Variants in SHISA9 observed in about 807,000 individuals in gnomAD.
SHISA9 encodes shisa family member 9, also known as protein shisa-9.
In SHISA9, 13 loss-of-function variants were observed where a neutral mutation model predicts 38.0. The observed-to-expected ratio is 0.34, with a 90% CI of 0.22 to 0.54. The LOEUF (loss-of-function observed/expected upper bound fraction) is 0.54. Ranked by LOEUF, SHISA9 falls within the 20% of genes least tolerant of loss-of-function variation. SHISA9 has a pLI of 0.91. For synonymous variants in SHISA9, 275 were observed against 242.0 expected (o/e 1.14, Z -1.27); for missense variants, 538 against 575.8 (o/e 0.93, Z 0.67).
intron 2 of SHISA9, among the ~76,000 whole-genome samples, chr16:13,170,719 C>G (rs1055171291): frequency 6.6e-6 from 1 of 152,158 alleles, no homozygotes; most frequent in Non-Finnish European, 1.5e-5. Context: ...TGCAATGGTG[C>G]CATCTCGGCT....
At chr16:13,128,225 A>G (rs920929080) in intron 2 of SHISA9, among the ~76,000 whole-genome samples, 1 of 152,182 alleles carries the variant, frequency 6.6e-6, no homozygotes, top group African/African-American at 2.4e-5. Flanking sequence ...GGTGAAGGAA[A>G]GGAAGGGAAG....
intron 2 of SHISA9, among the ~76,000 whole-genome samples, chr16:13,034,118 C>A (rs146779859): frequency 2.6e-3 from 394 of 149,472 alleles, no homozygotes; most frequent in Middle Eastern, 0.017. Context: ...GCACTCCAGC[C>A]TGGGTGACAA....
chr16:12,990,670 G>T (rs1470034790), intron 2 of SHISA9, among the ~76,000 whole-genome samples: 2 of 152,166 alleles, frequency 1.3e-5, no homozygotes, highest in Non-Finnish European at 2.9e-5. Flanking sequence ...GGTGGATGGG[G>T]GGTGGTGCTA....
At chr16:13,387,042 TC>T in the SHISA9 span, among the ~76,000 whole-genome samples, 1 of 152,214 alleles carries the variant, frequency 6.6e-6, no homozygotes. Flanking sequence ...TGCCTTCCCC[TC>T]CAGCAATAAT....
At chr16:12,904,699 C>T (rs1359328167) in intron 1 of SHISA9, among the ~76,000 whole-genome samples, 1 of 152,134 alleles carries the variant, frequency 6.6e-6, no homozygotes, top group Non-Finnish European at 1.5e-5. Flanking sequence ...GAAGTGCATA[C>T]TCCCGAAAAG....
At chr16:12,926,282 T>G (rs2071392654) in intron 2 of SHISA9, among the ~76,000 whole-genome samples, 1 of 152,218 alleles carries the variant, frequency 6.6e-6, no homozygotes, top group Non-Finnish European at 1.5e-5. Context: ...TCTTTTTCTA[T>G]TTGTTTTCCT....
At chr16:13,185,920 T>C (rs1305366795) in intron 2 of SHISA9, among the ~76,000 whole-genome samples, 1 of 152,182 alleles carries the variant, frequency 6.6e-6, no homozygotes, top group East Asian at 1.9e-4. Flanking sequence ...CTGGAAATGT[T>C]ATAGGGAAAC....
the SHISA9 span, among the ~76,000 whole-genome samples, chr16:13,421,542 T>C: frequency 0.74 from 111,762 of 152,054 alleles, 41,303 homozygotes; most frequent in Admixed American, 0.82. Context: ...CACTGGATCC[T>C]TCCCACAACA....
intron 2 of SHISA9, among the ~76,000 whole-genome samples, chr16:13,098,259 G>T (rs1188895666): frequency 2.6e-5 from 4 of 152,216 alleles, no homozygotes; most frequent in Non-Finnish European, 4.4e-5. Flanking sequence ...CTCATCCATA[G>T]AAATGGAGCA....
chr16:12,975,140 G>A (rs934512432), intron 2 of SHISA9, among the ~76,000 whole-genome samples: 1 of 152,146 alleles, frequency 6.6e-6, no homozygotes, highest in Non-Finnish European at 1.5e-5. Context: ...AGTGTGTGTT[G>A]TTATCTTTGC....
chr16:13,255,615 C>T, the SHISA9 span, among the ~76,000 whole-genome samples: 1 of 152,068 alleles, frequency 6.6e-6, no homozygotes, highest in East Asian at 1.9e-4. Context: ...CAATTTCCTT[C>T]TTCCTTACCT....
the SHISA9 span, among the ~76,000 whole-genome samples, chr16:13,469,399 A>G: frequency 1.5e-5 from 2 of 130,004 alleles, no homozygotes; most frequent in African/African-American, 6.4e-5. Context: ...GAAAGAAAGA[A>G]AGAAAGAAAG....
At chr16:13,386,800 G>C in the SHISA9 span, among the ~76,000 whole-genome samples, 1 of 152,026 alleles carries the variant, frequency 6.6e-6, no homozygotes, top group South Asian at 2.1e-4. Context: ...TTATTGTAAT[G>C]TTTAATTACT....
the SHISA9 span, chr16:13,350,256 A>G: frequency 6.6e-6 from 1 of 152,264 alleles, no homozygotes; most frequent in Admixed American, 6.5e-5. Context: ...CAAGACTTGC[A>G]CTAGTGGCCC....
chr16:13,093,675 C>T (rs1033735851), intron 2 of SHISA9, among the ~76,000 whole-genome samples: 3 of 152,222 alleles, frequency 2.0e-5, no homozygotes, highest in South Asian at 4.2e-4. Flanking sequence ...TTTGTCCAGG[C>T]GCCCACATGT....
rs531243676 is a variant in SHISA9, at chr16:13,116,714, C to T, written c.692-86680C>T. On this transcript the variant is annotated intron_variant, in intron 2 of 4. Transcript: ENST00000558583. ...CCAATTGCTAATCTAGACTGAGTGT[C>T]AGTTTCTCTCTCTGAAAAATGGTGA... Among the ~76,000 whole-genome samples, 5 of 152,290 alleles carry T rather than the reference C, an allele frequency of 3.3e-5. No individual in the cohort carries two copies. In the East Asian group the frequency reaches 9.7e-4, roughly 29 times the overall value.
chr16:12,930,585 A>G (rs1409454338), intron 2 of SHISA9, among the ~76,000 whole-genome samples: 2 of 152,154 alleles, frequency 1.3e-5, no homozygotes, highest in East Asian at 3.9e-4. Flanking sequence ...CCTCAATTTC[A>G]CTAGCATGAA....
chr16:12,970,332 T>TATATACATATATGTATATATATAC (rs1567356735), intron 2 of SHISA9, among the ~76,000 whole-genome samples: 7 of 74,986 alleles, frequency 9.3e-5, no homozygotes, highest in Non-Finnish European at 1.8e-4. Flanking sequence ...TATACATATA[T>TATATACATATATGTATATATATAC]ATATATATAT....
At chr16:13,320,291 T>C in the SHISA9 span, among the ~76,000 whole-genome samples, 3 of 7,558 alleles carry the variant, frequency 4.0e-4, no homozygotes, top group African/African-American at 5.1e-4. Flanking sequence ...AGACTCTGTC[T>C]CAAAAAAAAA....
Sources: gnomAD v4.1 joint callset for allele counts (sites outside exome capture counted in the v4.1 genomes callset) on GRCh38, gnomAD v4.1.1 for gene constraint, MANE v1.5 for transcripts, NCBI Gene and HGNC (gene_info 2026-07-23, HGNC 2026-07-21) for gene names.